AGFG1: variants seen among roughly 807,000 people sequenced by gnomAD.
AGFG1 encodes arf-GAP domain and FG repeat-containing protein 1.
AGFG1 carries 10 observed loss-of-function variants against 60.6 expected under a neutral mutation model. The ratio of observed to expected loss-of-function variants is 0.16; its 90% CI spans 0.10 to 0.28. The LOEUF is 0.28. Ranked by LOEUF, AGFG1 falls within the 10% of genes least tolerant of loss-of-function variation. AGFG1 has a pLI of 1.00. For synonymous variants in AGFG1, 247 were observed against 242.9 expected (o/e 1.02, Z -0.16); for missense variants, 537 against 676.5 (o/e 0.79, Z 2.29).
At chr2:227,542,602 A>G (rs1033782397) in intron 10 of AGFG1, among the ~76,000 whole-genome samples, 2 of 152,062 alleles carry the variant, frequency 1.3e-5, no homozygotes, top group African/African-American at 4.8e-5. Context: ...TTCATCAGGG[A>G]TATTGGTCTA....
intron 2 of AGFG1, chr2:227,510,753 A>G (rs1691473505): frequency 6.6e-6 from 1 of 152,150 alleles, no homozygotes. Flanking sequence ...TAGAGACCTT[A>G]AGTGAAATAA....
At chr2:227,553,842 T>A in intron 12 of AGFG1, 47 bp downstream of exon 12, 1 of 1,413,636 alleles carries the variant, frequency 7.1e-7, no homozygotes, top group Non-Finnish European at 9.8e-7. Context: ...TTAAATCTTA[T>A]TTTAAAATTA....
chr2:227,507,385 G>A (rs1575082610), intron 2 of AGFG1, among the ~76,000 whole-genome samples: 2 of 152,106 alleles, frequency 1.3e-5, no homozygotes. Flanking sequence ...GTGGATCCAC[G>A]AGGTCAGGAG....
rs1278204963 is a variant in AGFG1 at position 227,557,107 on chromosome 2, G to T, written c.*2612G>T. 6.6e-6 allele frequency: 1 copy of T among 152,080 alleles called. No individual in the cohort carries two copies. The highest frequency in any genetic ancestry group is 1.5e-5 in the Non-Finnish European group (1 of 68,016). 9.4% of individuals were successfully genotyped at this position (152,080 alleles called of 1,614,324 possible). A position where few individuals can be genotyped will look rare whatever the true frequency, so the allele number is the denominator to read the frequency against. The stretch of plus-strand genomic sequence containing the variant: ...TAAAAAGGAGAAAAAATCCTGGAAG[G>T]TAACAAGGCTGAAGACCTTCAAATT... On this transcript the variant is annotated 3_prime_UTR_variant, in exon 13 of 13. Transcript: ENST00000310078.
At chr2:227,540,094 C>G (rs1692441999) in intron 10 of AGFG1, among the ~76,000 whole-genome samples, 1 of 152,082 alleles carries the variant, frequency 6.6e-6, no homozygotes, top group South Asian at 2.1e-4. Context: ...CCTCGGCCTC[C>G]CAAAGTGCTG....
intron 2 of AGFG1, among the ~76,000 whole-genome samples, chr2:227,493,558 A>G (rs2106171638): frequency 6.6e-6 from 1 of 152,354 alleles, no homozygotes; most frequent in African/African-American, 2.4e-5. Context: ...GTTAATTTTT[A>G]GGAACTCACT....
chr2:227,497,198 GT>G (rs1242308478), intron 2 of AGFG1, among the ~76,000 whole-genome samples: 2 of 138,760 alleles, frequency 1.4e-5, no homozygotes, highest in Non-Finnish European at 3.0e-5. Context: ...ATTCTTTAGT[GT>G]AAAAACCATC....
intron 5 of AGFG1, among the ~76,000 whole-genome samples, chr2:227,526,339 G>A (rs1176887490): frequency 2.6e-5 from 4 of 151,726 alleles, no homozygotes; most frequent in Non-Finnish European, 4.4e-5. Flanking sequence ...GATTACAAGC[G>A]TGTGCCACAG....
At chr2:227,507,434 C>G (rs1014339504) in intron 2 of AGFG1, among the ~76,000 whole-genome samples, 1 of 151,962 alleles carries the variant, frequency 6.6e-6, no homozygotes, top group Non-Finnish European at 1.5e-5. Flanking sequence ...AATCCTGTCT[C>G]TACTAAAAAT....
At chr2:227,484,602 C>G (rs878964160) in intron 1 of AGFG1, among the ~76,000 whole-genome samples, 1 of 151,146 alleles carries the variant, frequency 6.6e-6, no homozygotes, top group Non-Finnish European at 1.5e-5. Flanking sequence ...TACCCCTTAG[C>G]ATCTCAAGAC....
chr2:227,492,723 C>T (rs1006659221), intron 2 of AGFG1, among the ~76,000 whole-genome samples: 10 of 151,974 alleles, frequency 6.6e-5, no homozygotes, highest in African/African-American at 2.4e-4. Flanking sequence ...TTTGAAGTCT[C>T]CAGATTTTGC....
rs528351636 is a variant in AGFG1, at chr2:227,558,850, T to C, written c.*4355T>C. 1 of 152,332 alleles carries C rather than the reference T, an allele frequency of 6.6e-6. No homozygotes were observed. Among genetic ancestry groups the C allele is most frequent in the African/African-American group, 2.4e-5 (1 of 41,592 alleles). 9.4% of individuals were successfully genotyped at this position (152,332 alleles called of 1,614,324 possible). ...ATTAAATGCAGTTTGATGAAAGAGATAGCCAACCAGTGGCTTTCCCAAGCC... is the reference window on the plus strand; with the variant it reads ...ATTAAATGCAGTTTGATGAAAGAGACAGCCAACCAGTGGCTTTCCCAAGCC... On this transcript the variant is annotated 3_prime_UTR_variant, in exon 13 of 13. Coordinates refer to ENST00000310078, the MANE Select transcript of AGFG1 (RefSeq NM_004504.5).
intron 10 of AGFG1, among the ~76,000 whole-genome samples, chr2:227,544,111 G>A (rs1692571634): frequency 6.7e-6 from 1 of 148,572 alleles, no homozygotes; most frequent in South Asian, 2.1e-4. Context: ...CACGCTGATA[G>A]GTCTTGACTC....
In AGFG1 at chr2:227,551,531, C is replaced by G. The variant is rs999385252; in HGVS notation, c.1379-428C>G. On this transcript the variant is annotated intron_variant, in intron 10 of 12. Transcript: ENST00000310078. ...TTTAAAATTTTTTTTTGCAGGAACA[C>G]ATATTATGTTATGACAGATACTTCA... Among the ~76,000 whole-genome samples the G allele has an allele frequency of 2.6e-5, 4 of 151,956 alleles. No individual in the cohort carries two copies. In the East Asian group the frequency reaches 7.7e-4, roughly 29 times the overall value.
At chr2:227,478,810 T>C (rs1690367971) in intron 1 of AGFG1, among the ~76,000 whole-genome samples, 2 of 152,220 alleles carry the variant, frequency 1.3e-5, no homozygotes, top group African/African-American at 4.8e-5. Context: ...TGCTGAATTC[T>C]TCTAGATTTT....
chr2:227,557,558 T>C lies in AGFG1; in HGVS notation c.*3063T>C, dbSNP rs1373471494. The C allele has an allele frequency of 6.6e-6, 1 of 151,222 alleles. No individual in the cohort carries two copies. Among genetic ancestry groups the C allele is most frequent in the Admixed American group, 6.6e-5 (1 of 15,076 alleles). 9.4% of individuals were successfully genotyped at this position (151,222 alleles called of 1,614,324 possible). ...AGCTTGTATCTCTGAGAATTTATTG[T>C]ATTAAAATTAATACTGAGATATTTT... On this transcript the variant is annotated 3_prime_UTR_variant, in exon 13 of 13. Coordinates refer to ENST00000310078, the MANE Select transcript of AGFG1 (RefSeq NM_004504.5).
intron 1 of AGFG1, among the ~76,000 whole-genome samples, chr2:227,478,239 T>TAAAA (rs11383048): frequency 7.0e-6 from 1 of 143,880 alleles, no homozygotes; most frequent in Admixed American, 7.0e-5. Context: ...AAGCAATCAG[T>TAAAA]AAAAAAAAAA....
chr2:227,494,326 C>T (rs1394006338), intron 2 of AGFG1, among the ~76,000 whole-genome samples: 10 of 152,270 alleles, frequency 6.6e-5, no homozygotes, highest in Admixed American at 4.6e-4. Flanking sequence ...AGTACCAGAA[C>T]GTAAGTTTAC....
intron 10 of AGFG1, among the ~76,000 whole-genome samples, chr2:227,546,316 G>A (rs1342686746): frequency 1.3e-5 from 2 of 152,262 alleles, no homozygotes; most frequent in East Asian, 3.8e-4. Flanking sequence ...ATCTTCTGGT[G>A]TGCCGTTTGC....
Sources: gnomAD v4.1 joint callset for allele counts (sites outside exome capture counted in the v4.1 genomes callset) on GRCh38, gnomAD v4.1.1 for gene constraint, MANE v1.5 for transcripts, NCBI Gene and HGNC (gene_info 2026-07-23, HGNC 2026-07-21) for gene names.